Variants in SATB1 observed in about 807,000 individuals in gnomAD.
SATB1 encodes DNA-binding protein SATB1.
Under a neutral mutation model 86.9 loss-of-function variants are expected in SATB1, and 11 were observed. The observed-to-expected ratio is 0.13, with a 90% CI of 0.08 to 0.21. SATB1 has a LOEUF of 0.21. Ranked by LOEUF, SATB1 falls within the 10% of genes least tolerant of loss-of-function variation. The pLI is 1.00. For synonymous variants in SATB1, 357 were observed against 357.2 expected (o/e 1.00, Z 0.01); for missense variants, 551 against 937.6 (o/e 0.59, Z 5.39).
rs150319813 is a variant in SATB1, at chr3:18,416,647, T to C, written c.388+255A>G. ...CTTGTGGGTCCTCAGTGGAGCAGATTATTAAGGTCAATAAGCATACTAATG... is the reference window on the plus strand; with the variant it reads ...CTTGTGGGTCCTCAGTGGAGCAGATCATTAAGGTCAATAAGCATACTAATG... On this transcript the variant is annotated intron_variant, in intron 3 of 10. Transcript: ENST00000338745. Among the ~76,000 whole-genome samples the C allele has an allele frequency of 7.9e-5, 12 of 152,192 alleles. No homozygotes were observed. The East Asian group carries it at 2.3e-3, about 29-fold the overall frequency.
At chr3:18,431,181 G>A (rs1353829197) in intron 2 of SATB1, among the ~76,000 whole-genome samples, 1 of 152,110 alleles carries the variant, frequency 6.6e-6, no homozygotes, top group African/African-American at 2.4e-5. Context: ...AATTGCCCTA[G>A]AGTCCACAAA....
chr3:18,353,538 G>GT (rs528864986), intron 9 of SATB1, among the ~76,000 whole-genome samples: 1,668 of 150,162 alleles, frequency 0.011, 33 homozygotes, highest in African/African-American at 0.038. Context: ...TGGAAGTATA[G>GT]TTTTTTTTTT....
chr3:18,389,976 C>G (rs940827440), intron 7 of SATB1, among the ~76,000 whole-genome samples: 1 of 152,048 alleles, frequency 6.6e-6, no homozygotes, highest in African/African-American at 2.4e-5. Flanking sequence ...AGTCAGAGTT[C>G]TAATTTTTTC....
At chr3:18,421,399 G>C (rs1411627850) in intron 1 of SATB1, 1 of 163,830 alleles carries the variant, frequency 6.1e-6, no homozygotes, top group African/African-American at 2.4e-5. Context: ...AGGATGGAAA[G>C]ATGATCATAG....
In SATB1 at chr3:18,386,687, C is replaced by T; in HGVS notation, c.1207-76G>A. ...CCAGCAGTGATCCTTCCCTTTTCTT[C>T]TCCACTCTGTTTAGAAAATGAACAG... On this transcript the variant is annotated intron_variant, in intron 7 of 10. Transcript: ENST00000338745. The surrounding 1 kb of genome is among the most constrained non-coding windows in gnomAD (Gnocchi z 4.5). The T allele has an allele frequency of 8.5e-7, 1 of 1,173,902 alleles. No homozygotes were observed. The allele number at this position is 1,173,902 out of a possible 1,614,324, so 72.7% of individuals were successfully genotyped here. A position where few individuals can be genotyped will look rare whatever the true frequency, so the allele number is the denominator to read the frequency against.
At chr3:18,381,692 T>C (rs981578188) in intron 8 of SATB1, among the ~76,000 whole-genome samples, 23 of 152,154 alleles carry the variant, frequency 1.5e-4, no homozygotes, top group Admixed American at 5.2e-4. Flanking sequence ...AGCTCATTAA[T>C]GTCTAATTTT....
At chr3:18,382,457 G>A (rs1438227649) in intron 8 of SATB1, among the ~76,000 whole-genome samples, 1 of 151,978 alleles carries the variant, frequency 6.6e-6, no homozygotes, top group Non-Finnish European at 1.5e-5. Flanking sequence ...ATACCCTTAC[G>A]GTAGAAATCA....
Position 18,349,239 on chromosome 3 carries a change from A to C in SATB1, c.2223T>G (p.Phe741Leu). Reference protein sequence around the residue: ...SVQDKNTNTLFSVKLEEELSV... With the variant: ...SVQDKNTNTLLSVKLEEELSV... ...ACAGCTCTTCTTCTAGTTTCACTGA[A>C]AAAAGGGTGTTAGTATTTTTATCTT... The change falls in exon 11 of 11, where the codon TTT becomes TTG. Residue 741 changes from phenylalanine (F) to leucine (L), a missense_variant. Transcript: ENST00000338745. The surrounding 1 kb of genome is among the most constrained non-coding windows in gnomAD (Gnocchi z 5.5). 6.2e-7 allele frequency: 1 copy of C among 1,614,210 alleles called. No homozygotes were observed. The highest frequency in any genetic ancestry group is 2.2e-5 in the East Asian group (1 of 44,886).
chr3:18,380,787 A>C (rs1425863982), intron 8 of SATB1, among the ~76,000 whole-genome samples: 1 of 152,170 alleles, frequency 6.6e-6, no homozygotes, highest in East Asian at 1.9e-4. Flanking sequence ...TTTCAAAAAT[A>C]TGAAAGCTGA....
At chr3:18,422,029 G>A (rs1406183651) in intron 1 of SATB1, among the ~76,000 whole-genome samples, 1 of 152,064 alleles carries the variant, frequency 6.6e-6, no homozygotes, top group Non-Finnish European at 1.5e-5. Flanking sequence ...AAAGTGATTA[G>A]ACAATATCAA....
At chr3:18,440,303 C>A (rs2125209950), upstream of SATB1, among the ~76,000 whole-genome samples, 1 of 152,234 alleles carries the variant, frequency 6.6e-6, no homozygotes, top group African/African-American at 2.4e-5. Flanking sequence ...TCAACTGGTT[C>A]TCACATGACA....
intron 7 of SATB1, among the ~76,000 whole-genome samples, chr3:18,387,608 T>G (rs1483508116): frequency 6.6e-6 from 1 of 152,182 alleles, no homozygotes; most frequent in Non-Finnish European, 1.5e-5. Context: ...TTCTGTTCAT[T>G]TTATAAGGGC....
rs949492727 is a variant in SATB1, at chr3:18,349,229, G to C, written c.2233C>G (p.Leu745Val). 1 of 1,614,052 alleles carries C rather than the reference G, an allele frequency of 6.2e-7. No individual in the cohort carries two copies. Among genetic ancestry groups the C allele is most frequent in the Non-Finnish European group, 8.5e-7 (1 of 1,179,994 alleles). ...CCTTCCACTGACAGCTCTTCTTCTAGTTTCACTGAAAAAAGGGTGTTAGTA... is the reference window on the plus strand; with the variant it reads ...CCTTCCACTGACAGCTCTTCTTCTACTTTCACTGAAAAAAGGGTGTTAGTA... ...KNTNTLFSVK[L>V]EEELSVEGNT... Residue 745 changes from leucine (L) to valine (V), a missense_variant, in exon 11 of 11, where the codon CTA (leucine) becomes GTA (valine). By Grantham distance (32) the Leu-to-Val change is conservative. Coordinates refer to ENST00000338745, the MANE Select transcript of SATB1 (RefSeq NM_002971.6). This position sits in a 1 kb window ranked among gnomAD's most constrained non-coding sequence, Gnocchi z 5.5.
intron 7 of SATB1, among the ~76,000 whole-genome samples, chr3:18,391,679 A>G (rs1696683858): frequency 6.6e-6 from 1 of 152,066 alleles, no homozygotes; most frequent in African/African-American, 2.4e-5. Context: ...ACATTGTACT[A>G]GGTGCACACA....
chr3:18,360,449 C>G (rs753559208), intron 9 of SATB1, among the ~76,000 whole-genome samples: 1 of 152,060 alleles, frequency 6.6e-6, no homozygotes, highest in Non-Finnish European at 1.5e-5. Context: ...TATTTATTAG[C>G]TATTGCTGAG....
At chr3:18,364,442 T>A (rs2125154349) in intron 9 of SATB1, among the ~76,000 whole-genome samples, 1 of 152,238 alleles carries the variant, frequency 6.6e-6, no homozygotes, top group African/African-American at 2.4e-5. Flanking sequence ...AACAACATAA[T>A]AGGACAGGAA....
intron 7 of SATB1, among the ~76,000 whole-genome samples, chr3:18,392,196 A>AG (rs1470684968): frequency 6.6e-6 from 1 of 152,192 alleles, no homozygotes; most frequent in Non-Finnish European, 1.5e-5. Flanking sequence ...CTCCTCTCAC[A>AG]GAAAAAAAAG....
chr3:18,393,618 A>C (rs988387407), intron 7 of SATB1, among the ~76,000 whole-genome samples: 2 of 152,220 alleles, frequency 1.3e-5, no homozygotes, highest in African/African-American at 4.8e-5. Flanking sequence ...GGGTATAAGC[A>C]GGCAGTGAGA....
chr3:18,372,858 G>A (rs1179990670), intron 9 of SATB1, among the ~76,000 whole-genome samples: 1 of 152,176 alleles, frequency 6.6e-6, no homozygotes, highest in African/African-American at 2.4e-5. Context: ...GTTATAAATG[G>A]CCACTAATAT....
Sources: allele counts gnomAD v4.1 joint callset (sites outside exome capture counted in the v4.1 genomes callset), GRCh38; gene constraint gnomAD v4.1.1; non-coding constraint Gnocchi (gnomAD v3.1); transcripts MANE v1.5; gene names NCBI Gene and HGNC (gene_info 2026-07-23, HGNC 2026-07-21).